The following CD33 variants were observed in gnomAD, a reference collection of about 807,000 sequenced individuals.
CD33 encodes CD33 molecule.
A neutral mutation model predicts 31.4 loss-of-function variants in CD33; 25 were observed. The observed-to-expected ratio is 0.80, with a 90% confidence interval of 0.58 to 1.11. The LOEUF is 1.11. Among genes scored for constraint, CD33 ranks in the 50% most tolerant of loss-of-function variants. The pLI is 0.00. For missense variants in CD33, 407 were observed against 448.1 expected (o/e 0.91, Z 0.83); for synonymous variants, 176 against 180.6 (o/e 0.97, Z 0.20).
intron 4 of CD33, among the ~76,000 whole-genome samples, chr19:51,227,404 C>G (rs1981112375): frequency 6.6e-6 from 1 of 152,012 alleles, no homozygotes; most frequent in African/African-American, 2.4e-5. Context: ...TTTTTTTTAT[C>G]ATAGTCCTCC....
the CD33 span, chr19:51,212,138 A>G: frequency 3.9e-6 from 2 of 518,894 alleles, no homozygotes; most frequent in Non-Finnish European, 7.1e-6. Flanking sequence ...AGAGAGGAGG[A>G]CCAGGACTGG....
chr19:51,219,521 T>A, the CD33 span, among the ~76,000 whole-genome samples: 1 of 152,202 alleles, frequency 6.6e-6, no homozygotes, highest in African/African-American at 2.4e-5. Flanking sequence ...TTTCTTTCTC[T>A]TGCCTGATTA....
chr19:51,230,713 T>C (rs1002840042), intron 4 of CD33, among the ~76,000 whole-genome samples: 5 of 152,248 alleles, frequency 3.3e-5, no homozygotes, highest in Non-Finnish European at 5.9e-5. Context: ...GTAGAATATC[T>C]TTTTCCATCT....
upstream of CD33, among the ~76,000 whole-genome samples, chr19:51,224,456 G>A (rs186600922): frequency 6.6e-6 from 1 of 152,128 alleles, no homozygotes; most frequent in Non-Finnish European, 1.5e-5. Flanking sequence ...TGCTCTTTCT[G>A]GTTGCTTGTA....
At chr19:51,232,177 A>T (rs1251506479) in intron 4 of CD33, among the ~76,000 whole-genome samples, 1 of 152,160 alleles carries the variant, frequency 6.6e-6, no homozygotes, top group African/African-American at 2.4e-5. Flanking sequence ...TTTTCTGGGT[A>T]TAGTATTTTT....
chr19:51,221,834 A>C (rs531912831), upstream of CD33, among the ~76,000 whole-genome samples: 1 of 152,236 alleles, frequency 6.6e-6, no homozygotes, highest in Non-Finnish European at 1.5e-5. Context: ...AAGGGAACAA[A>C]CTATAGATTC....
chr19:51,232,130 GA>G (rs1035965932), intron 4 of CD33, among the ~76,000 whole-genome samples: 22 of 152,158 alleles, frequency 1.4e-4, no homozygotes, highest in Non-Finnish European at 2.6e-4. Flanking sequence ...GCTTATCTAT[GA>G]AATATTTTAT....
At chr19:51,213,029 G>A in the CD33 span, among the ~76,000 whole-genome samples, 1 of 152,340 alleles carries the variant, frequency 6.6e-6, no homozygotes, top group East Asian at 1.9e-4. Context: ...GCCTATGTAT[G>A]TGGGACCTGT....
At chr19:51,223,708 A>G (rs1356860907), upstream of CD33, among the ~76,000 whole-genome samples, 2 of 152,204 alleles carry the variant, frequency 1.3e-5, no homozygotes, top group Non-Finnish European at 2.9e-5. Context: ...GGTTCATAGA[A>G]CATGTGTTCT....
chr19:51,219,452 C>G, the CD33 span, among the ~76,000 whole-genome samples: 1 of 152,110 alleles, frequency 6.6e-6, no homozygotes, highest in Non-Finnish European at 1.5e-5. Flanking sequence ...GATTTAAGAT[C>G]CTATCATCAG....
the CD33 span, among the ~76,000 whole-genome samples, chr19:51,217,351 A>G: frequency 6.6e-5 from 10 of 151,930 alleles, no homozygotes; most frequent in Admixed American, 1.3e-4. Context: ...GTTCCTCTGA[A>G]CATCTCACTC....
At chr19:51,216,456 T>C in the CD33 span, among the ~76,000 whole-genome samples, 1 of 152,076 alleles carries the variant, frequency 6.6e-6, no homozygotes, top group African/African-American at 2.4e-5. Context: ...ACACCTGTAA[T>C]CCCAGCACTT....
rs1395035314 is a variant in CD33, at chr19:51,225,512, G to A, written c.332G>A (p.Arg111Lys). Residue 111 changes from arginine to lysine, a missense_variant, in exon 2 of 7, where the codon AGG becomes AAG. Physicochemically the swap from Arg to Lys is conservative, Grantham distance 26. Transcript: ENST00000262262. ...CSLSIVDARR[R>K]DNGSYFFRME... ...CTGAGCATCGTAGACGCCAGGAGGA[G>A]GGATAATGGTTCATACTTCTTTCGG... The A allele has an allele frequency of 6.2e-7, 1 of 1,611,332 alleles. No homozygotes were observed. The highest frequency in any genetic ancestry group is 8.5e-7 in the Non-Finnish European group (1 of 1,178,734).
upstream of CD33, among the ~76,000 whole-genome samples, chr19:51,223,054 A>G (rs1980759414): frequency 6.6e-6 from 1 of 152,076 alleles, no homozygotes; most frequent in African/African-American, 2.4e-5. Context: ...ATCTCTCCTA[A>G]ACATAAAAAC....
intron 4 of CD33, among the ~76,000 whole-genome samples, chr19:51,226,949 T>G (rs1170957609): frequency 6.6e-6 from 1 of 152,012 alleles, no homozygotes; most frequent in South Asian, 2.1e-4. Flanking sequence ...TAGCTTCCAC[T>G]TATGAGTGAG....
At chr19:51,233,648 C>A (rs1005085141) in intron 4 of CD33, among the ~76,000 whole-genome samples, 2 of 152,244 alleles carry the variant, frequency 1.3e-5, no homozygotes, top group Non-Finnish European at 2.9e-5. Context: ...GAATTCCTGG[C>A]AGCTCTTCCA....
the CD33 span, among the ~76,000 whole-genome samples, chr19:51,217,435 G>A: frequency 6.6e-6 from 1 of 150,476 alleles, no homozygotes; most frequent in African/African-American, 2.4e-5. Flanking sequence ...TTCTTGAGAC[G>A]GAGTCACTCT....
In CD33 at chr19:51,229,471, A is replaced by T. The variant is rs2123231391; in HGVS notation, c.745+3115A>T. Reference sequence around the variant, plus strand: ...GAATAGTTTGAGAAGAGTTGGCATAATTTTTTTTTCTTTAAAGGTTCAGTA... The same window carrying T: ...GAATAGTTTGAGAAGAGTTGGCATATTTTTTTTTTCTTTAAAGGTTCAGTA... On this transcript the variant is annotated intron_variant, in intron 4 of 6. Transcript: ENST00000262262. Among the ~76,000 whole-genome samples the T allele has an allele frequency of 2.0e-5, 3 of 151,604 alleles. No homozygotes were observed. The South Asian group carries it at 6.2e-4, about 32-fold the overall frequency.
intron 6 of CD33, chr19:51,236,416 A>G (rs968404519): frequency 1.2e-5 from 2 of 160,942 alleles, no homozygotes; most frequent in Admixed American, 1.2e-4. Flanking sequence ...TGTCTGGTAC[A>G]TGGCCCTGGG....
Sources: allele counts gnomAD v4.1 joint callset (sites outside exome capture counted in the v4.1 genomes callset), GRCh38; gene constraint gnomAD v4.1.1; transcripts MANE v1.5; gene names NCBI Gene and HGNC (gene_info 2026-07-23, HGNC 2026-07-21).